The following NMNAT2 variants were observed in gnomAD, a reference collection of about 807,000 sequenced individuals.
NMNAT2 encodes nicotinamide/nicotinic acid mononucleotide adenylyltransferase 2.
NMNAT2 carries 11 observed loss-of-function variants against 41.6 expected under a neutral mutation model. The observed-to-expected ratio is 0.26, with a 90% confidence interval of 0.17 to 0.44. NMNAT2 has a LOEUF of 0.44. Among genes scored for constraint, NMNAT2 ranks in the 20% least tolerant of loss-of-function variants. The pLI is 1.00. For synonymous variants in NMNAT2, 148 were observed against 151.2 expected (o/e 0.98, Z 0.16); for missense variants, 288 against 407.7 (o/e 0.71, Z 2.53).
chr1:183,294,559 G>A (rs916491594), intron 1 of NMNAT2, among the ~76,000 whole-genome samples: 6 of 152,168 alleles, frequency 3.9e-5, no homozygotes, highest in South Asian at 2.1e-4. Flanking sequence ...TTGGGAGGCC[G>A]AGGCAGGTGG....
chr1:183,374,257 T>C (rs1361930166), intron 1 of NMNAT2, among the ~76,000 whole-genome samples: 1 of 151,382 alleles, frequency 6.6e-6, no homozygotes, highest in Non-Finnish European at 1.5e-5. Context: ...AAAGTGATGT[T>C]TCCTCCAAAG....
At chr1:183,382,661 G>T (rs1449091484) in intron 1 of NMNAT2, among the ~76,000 whole-genome samples, 2 of 152,168 alleles carry the variant, frequency 1.3e-5, no homozygotes, top group African/African-American at 4.8e-5. Context: ...AGATTCTATA[G>T]GCCCCATGCA....
chr1:183,417,931 C>G (rs1181106692), intron 1 of NMNAT2, among the ~76,000 whole-genome samples: 1 of 152,122 alleles, frequency 6.6e-6, no homozygotes, highest in Non-Finnish European at 1.5e-5. Context: ...ATACTCATCT[C>G]TAGTCCCCTC....
intron 8 of NMNAT2, among the ~76,000 whole-genome samples, chr1:183,268,766 G>A (rs536072338): frequency 1.3e-5 from 2 of 152,340 alleles, no homozygotes; most frequent in East Asian, 3.9e-4. Context: ...TCATGGCAAG[G>A]TGTGATGTCT....
intron 1 of NMNAT2, among the ~76,000 whole-genome samples, chr1:183,391,699 C>G (rs150413633): frequency 2.0e-5 from 3 of 152,182 alleles, no homozygotes; most frequent in Non-Finnish European, 4.4e-5. Flanking sequence ...GCTTCTGCCC[C>G]CTTCATTCCA....
intron 1 of NMNAT2, among the ~76,000 whole-genome samples, chr1:183,341,738 A>AAAAAAAAAAAAAAAAAAAAAAAAAAAAG (rs1374271547): frequency 7.0e-6 from 1 of 141,992 alleles, no homozygotes; most frequent in Non-Finnish European, 1.5e-5. Flanking sequence ...AAAAAAAAAA[A>AAAAAAAAAAAAAAAAAAAAAAAAAAAAG]AAAAAAAAAC....
At chr1:183,357,219 CTTTTTTTTTTTT>C (rs11343113) in intron 1 of NMNAT2, among the ~76,000 whole-genome samples, 7 of 71,608 alleles carry the variant, frequency 9.8e-5, no homozygotes, top group East Asian at 4.0e-4. Flanking sequence ...ACATCAAATT[CTTTTTTTTTTTT>C]TTTTTTTTTT....
intron 1 of NMNAT2, among the ~76,000 whole-genome samples, chr1:183,411,275 ACTTGAGATGAGGAAT>A (rs1649109654): frequency 6.6e-6 from 1 of 152,180 alleles, no homozygotes; most frequent in Non-Finnish European, 1.5e-5. Context: ...TCTACCATAG[ACTTGAGATGAGGAAT>A]CTAATATCTC....
chr1:183,288,120 G>A (rs1306407436), intron 4 of NMNAT2, among the ~76,000 whole-genome samples: 2 of 152,194 alleles, frequency 1.3e-5, no homozygotes, highest in Admixed American at 1.3e-4. Context: ...TCTATTTCCT[G>A]ATTGGCCTGG....
At chr1:183,393,766 G>C (rs1282187240) in intron 1 of NMNAT2, among the ~76,000 whole-genome samples, 1 of 152,128 alleles carries the variant, frequency 6.6e-6, no homozygotes, top group Admixed American at 6.5e-5. Flanking sequence ...ATGTTGGCCA[G>C]GCTGGTCTCG....
At chr1:183,379,453 T>C (rs1013937562) in intron 1 of NMNAT2, among the ~76,000 whole-genome samples, 1 of 152,108 alleles carries the variant, frequency 6.6e-6, no homozygotes, top group Non-Finnish European at 1.5e-5. Flanking sequence ...AGGGTTGACA[T>C]TATAGGTATG....
intron 1 of NMNAT2, among the ~76,000 whole-genome samples, chr1:183,328,638 T>G (rs1160330089): frequency 6.6e-6 from 1 of 152,184 alleles, no homozygotes; most frequent in Admixed American, 6.5e-5. Flanking sequence ...CTAGGAGCCC[T>G]GCCTACTGTC....
chr1:183,268,857 C>A (rs1187039486), intron 8 of NMNAT2, among the ~76,000 whole-genome samples: 1 of 152,162 alleles, frequency 6.6e-6, no homozygotes, highest in Non-Finnish European at 1.5e-5. Context: ...GCCTGGGCAA[C>A]ATGGTGGTAA....
chr1:183,376,388 G>A lies in NMNAT2; in HGVS notation c.85+41795C>T, dbSNP rs532992271. Among the ~76,000 whole-genome samples the A allele has an allele frequency of 7.2e-5, 11 of 152,310 alleles. No individual in the cohort carries two copies. The South Asian group carries it at 2.3e-3, about 32-fold the overall frequency. ...GGCTCTACAGCAATGGCTCATGAGT[G>A]ATGGCTGAGTGCTTGTGCTGGTCTA... On this transcript the variant is annotated intron_variant, in intron 1 of 10. Coordinates refer to ENST00000287713, the MANE Select transcript of NMNAT2 (RefSeq NM_015039.4).
intron 1 of NMNAT2, among the ~76,000 whole-genome samples, chr1:183,399,636 T>G (rs1648754329): frequency 6.6e-6 from 1 of 152,208 alleles, no homozygotes; most frequent in Non-Finnish European, 1.5e-5. Flanking sequence ...CCAATATCCC[T>G]GATGAACATC....
chr1:183,390,916 T>C (rs1463176516), intron 1 of NMNAT2, among the ~76,000 whole-genome samples: 3 of 152,146 alleles, frequency 2.0e-5, no homozygotes, highest in African/African-American at 4.8e-5. Context: ...CTGAAATCAT[T>C]TGGGGTGATG....
chr1:183,354,815 A>G (rs188207379), intron 1 of NMNAT2, among the ~76,000 whole-genome samples: 3 of 152,314 alleles, frequency 2.0e-5, no homozygotes, highest in East Asian at 1.9e-4. Flanking sequence ...ACTTCTCTCA[A>G]TCACCACAGG....
chr1:183,341,920 C>T (rs1307691310), intron 1 of NMNAT2, among the ~76,000 whole-genome samples: 1 of 151,676 alleles, frequency 6.6e-6, no homozygotes. Flanking sequence ...GATTTGCCCT[C>T]AAAGACATTT....
chr1:183,379,092 A>ATCTATATCTATATCTATATCTATAT (rs142685154), intron 1 of NMNAT2, among the ~76,000 whole-genome samples: 1 of 115,246 alleles, frequency 8.7e-6, no homozygotes, highest in Non-Finnish European at 1.9e-5. Context: ...CTATATCTAT[A>ATCTATATCTATATCTATATCTATAT]ATCTATAATC....
Sources: allele counts gnomAD v4.1 joint callset (sites outside exome capture counted in the v4.1 genomes callset), GRCh38; gene constraint gnomAD v4.1.1; transcripts MANE v1.5; gene names NCBI Gene and HGNC (gene_info 2026-07-23, HGNC 2026-07-21).